RELL1: variants seen among roughly 807,000 people sequenced by gnomAD.
The protein encoded by RELL1 is RELT like 1, also known as RELT-like protein 1.
Under a neutral mutation model 23.0 loss-of-function variants are expected in RELL1, and 10 were observed. The ratio of observed to expected loss-of-function variants is 0.43; its 90% CI spans 0.27 to 0.74. RELL1 has a LOEUF of 0.74. RELL1 is among the 30% of genes least tolerant of loss of function. The probability of loss-of-function intolerance (pLI) is 0.19; values close to 1 mark genes in which losing one functional copy is unlikely to be tolerated. For synonymous variants in RELL1, 146 were observed against 146.8 expected (o/e 0.99, Z 0.04); for missense variants, 315 against 364.4 (o/e 0.86, Z 1.10).
At chr4:37,669,800 G>A (rs537769329) in intron 1 of RELL1, among the ~76,000 whole-genome samples, 1 of 151,976 alleles carries the variant, frequency 6.6e-6, no homozygotes, top group Non-Finnish European at 1.5e-5. Flanking sequence ...GATTAAGGGC[G>A]GTGCAAGATG....
At chr4:37,618,410 TA>T (rs1026499358) in intron 6 of RELL1, among the ~76,000 whole-genome samples, 2 of 151,976 alleles carry the variant, frequency 1.3e-5, no homozygotes, top group African/African-American at 2.4e-5. Context: ...TTTATTTATT[TA>T]TTTTTTTAAG....
intron 1 of RELL1, among the ~76,000 whole-genome samples, chr4:37,660,910 T>A (rs6531565): frequency 0.99 from 150,149 of 151,968 alleles, 74,198 homozygotes; most frequent in South Asian, 1. Context: ...GGGCGCCTGT[T>A]GTCCCAGCTA....
At chr4:37,657,383 G>T in intron 1 of RELL1, among the ~76,000 whole-genome samples, 1 of 152,102 alleles carries the variant, frequency 6.6e-6, no homozygotes, top group East Asian at 1.9e-4. Context: ...GGGTAGGGTA[G>T]TTCACCCTCA....
chr4:37,662,918 C>G (rs1182182960), intron 1 of RELL1, among the ~76,000 whole-genome samples: 1 of 152,210 alleles, frequency 6.6e-6, no homozygotes, highest in Non-Finnish European at 1.5e-5. Flanking sequence ...CAGGATACAA[C>G]AGAAGGCTCA....
In RELL1 at chr4:37,647,451, A is replaced by T. The variant is rs1720748266; in HGVS notation, c.314-12T>A. ...ACTGTCATTCAATTCTGAAAGAGAA[A>T]AGAGGAGGGGAGAACAGGTTACAAT... is the stretch of plus-strand genomic sequence containing the variant. On this transcript the variant is annotated splice_polypyrimidine_tract_variant and intron_variant, in intron 2 of 6. Coordinates refer to ENST00000454158, the MANE Select transcript of RELL1 (RefSeq NM_001085400.2). 3 of 1,599,726 alleles carry T rather than the reference A, an allele frequency of 1.9e-6. No individual in the cohort carries two copies. Among genetic ancestry groups the T allele is most frequent in the Non-Finnish European group, 2.6e-6 (3 of 1,167,158 alleles).
intron 3 of RELL1, among the ~76,000 whole-genome samples, chr4:37,644,566 G>A (rs193112719): frequency 3.3e-5 from 5 of 151,618 alleles, no homozygotes; most frequent in African/African-American, 1.2e-4. Context: ...CCGGGTTCAA[G>A]TGATTCTCCT....
intron 6 of RELL1, among the ~76,000 whole-genome samples, chr4:37,624,022 A>T (rs1411807015): frequency 6.6e-6 from 1 of 152,204 alleles, no homozygotes; most frequent in Non-Finnish European, 1.5e-5. Context: ...GAGGACTGCA[A>T]ATCAAGCAGT....
At chr4:37,684,726 G>A (rs1288325694) in intron 1 of RELL1, among the ~76,000 whole-genome samples, 1 of 152,178 alleles carries the variant, frequency 6.6e-6, no homozygotes, top group Non-Finnish European at 1.5e-5. Flanking sequence ...GCCGAGGCAG[G>A]AGGATCACTT....
chr4:37,684,383 A>T (rs1722329944), intron 1 of RELL1, among the ~76,000 whole-genome samples: 1 of 151,518 alleles, frequency 6.6e-6, no homozygotes, highest in Non-Finnish European at 1.5e-5. Flanking sequence ...CAATTAGATG[A>T]GAGCTTTCAT....
chr4:37,649,753 CT>C (rs1282694817), intron 1 of RELL1, among the ~76,000 whole-genome samples: 2 of 152,230 alleles, frequency 1.3e-5, no homozygotes, highest in African/African-American at 4.8e-5. Context: ...ACAGCTTCTT[CT>C]TCATTGTGGA....
Position 37,649,406 on chromosome 4 carries a change from G to A in RELL1, c.183C>T (p.Tyr61=), listed in dbSNP as rs776589351. The A allele has an allele frequency of 1.2e-5, 19 of 1,614,102 alleles. No individual in the cohort carries two copies. Among genetic ancestry groups the A allele is most frequent in the Middle Eastern group, 1.6e-4 (1 of 6,084 alleles). ...TGNGHPEYIA[Y]ALVPVFFIMG... is the part of the protein sequence containing the mutation. ...TGATAAAGAACACAGGGACAAGCGC[G>A]TATGCAATATATTCTGGGTGTCCAT... The change falls in exon 2 of 7, where the codon TAC becomes TAT. Residue 61 remains tyrosine, a synonymous_variant. Transcript: ENST00000454158.
intron 6 of RELL1, among the ~76,000 whole-genome samples, chr4:37,599,690 A>G (rs1718966147): frequency 6.6e-6 from 1 of 152,114 alleles, no homozygotes; most frequent in African/African-American, 2.4e-5. Context: ...CCCTGTGAGG[A>G]CAGCTTCAGC....
At chr4:37,638,387 C>T in intron 4 of RELL1, 60 bp downstream of exon 4, 1 of 1,319,288 alleles carries the variant, frequency 7.6e-7, no homozygotes, top group Non-Finnish European at 1.1e-6. Context: ...TCAGATGGCG[C>T]CATATCTGAG....
downstream of RELL1, among the ~76,000 whole-genome samples, chr4:37,605,765 A>AAG (rs1553871628): frequency 4.3e-5 from 4 of 92,070 alleles, no homozygotes; most frequent in African/African-American, 7.1e-5. Flanking sequence ...AGAATAAAGA[A>AAG]AGAGAGAGAG....
At chr4:37,677,570 T>C (rs1403949392) in intron 1 of RELL1, among the ~76,000 whole-genome samples, 2 of 152,222 alleles carry the variant, frequency 1.3e-5, no homozygotes, top group East Asian at 3.8e-4. Context: ...ACTACACCTA[T>C]AGATCAGCTA....
At chr4:37,639,679 C>T (rs1372142986) in intron 3 of RELL1, among the ~76,000 whole-genome samples, 1 of 152,208 alleles carries the variant, frequency 6.6e-6, no homozygotes, top group African/African-American at 2.4e-5. Flanking sequence ...ATTTAATTGG[C>T]AAGGCCAAAT....
downstream of RELL1, among the ~76,000 whole-genome samples, chr4:37,608,639 A>T (rs1022155804): frequency 2.7e-5 from 4 of 148,538 alleles, no homozygotes; most frequent in Non-Finnish European, 4.5e-5. Context: ...TAAGATTTTT[A>T]AATTTAATTT....
At chr4:37,668,262 C>T (rs1303819272) in intron 1 of RELL1, among the ~76,000 whole-genome samples, 2 of 141,602 alleles carry the variant, frequency 1.4e-5, no homozygotes, top group Non-Finnish European at 3.1e-5. Context: ...CCCTCTGATA[C>T]CGAGCCGAAG....
chr4:37,647,831 T>C (rs1449867885), intron 2 of RELL1, among the ~76,000 whole-genome samples: 1 of 152,212 alleles, frequency 6.6e-6, no homozygotes, highest in East Asian at 1.9e-4. Context: ...ACTATATCAA[T>C]TTACAATATT....
Sources: gnomAD v4.1 joint callset for allele counts (sites outside exome capture counted in the v4.1 genomes callset) on GRCh38, gnomAD v4.1.1 for gene constraint, MANE v1.5 for transcripts, NCBI Gene and HGNC (gene_info 2026-07-23, HGNC 2026-07-21) for gene names.